The following POLR2I variants were observed in gnomAD, a reference collection of about 807,000 sequenced individuals.
POLR2I encodes the protein DNA-directed RNA polymerase II subunit RPB9.
POLR2I carries 15 observed loss-of-function variants against 23.0 expected under a neutral mutation model. The ratio of observed to expected loss-of-function variants is 0.65; its 90% CI spans 0.44 to 1.00. The LOEUF (loss-of-function observed/expected upper bound fraction) is 1.00, where lower values mean the gene tolerates loss of function less well. Among genes scored for constraint, POLR2I ranks in the 50% least tolerant of loss-of-function variants. The pLI, the probability that POLR2I is intolerant of heterozygous loss-of-function variation, is 0.00. For synonymous variants in POLR2I, 72 were observed against 65.4 expected, an observed-to-expected ratio of 1.10 and a Z score of -0.49; for missense variants, 120 against 173.7, an observed-to-expected ratio of 0.69 and a Z score of 1.74.
In POLR2I at chr19:36,114,137, G is replaced by A. The variant is rs756160109; in HGVS notation, c.263+40C>T. 154 of 1,611,976 alleles carry A rather than the reference G, an allele frequency of 9.6e-5. No individual in the cohort carries two copies. Among genetic ancestry groups the A allele is most frequent in the East Asian group, 1.6e-4 (7 of 44,886 alleles). ...TCCTCCCTTCGCCCAGTGAGGAGAC[G>A]AGCCTCACTTTACCTCCCCAGTACC... is the stretch of plus-strand genomic sequence containing the variant. On this transcript the variant is annotated intron_variant, in intron 4 of 5. Coordinates refer to ENST00000221859, the MANE Select transcript of POLR2I (RefSeq NM_006233.5). This position sits in a 1 kb window ranked among gnomAD's most constrained non-coding sequence, Gnocchi z 4.5.
chr19:36,114,280 G>C lies in POLR2I; in HGVS notation c.189-29C>G. 1 of 1,613,214 alleles carries C rather than the reference G, an allele frequency of 6.2e-7. No homozygotes were observed. Among genetic ancestry groups the C allele is most frequent in the Non-Finnish European group, 8.5e-7 (1 of 1,179,656 alleles). On this transcript the variant is annotated intron_variant, in intron 3 of 5. Transcript: ENST00000221859. This position sits in a 1 kb window ranked among gnomAD's most constrained non-coding sequence, Gnocchi z 4.5. ...CAGGGACGCGGGGGTGCAAAATTAC[G>C]CTCAGACCCAGCCTCCAGAGCCAAC...
At position 36,114,443 on chromosome 19, in the gene POLR2I, G is replaced by A. The variant is rs767456172; in HGVS notation, c.115-31C>T. ...AGAGGGCGAGTGTGGGGGAAAGGGG[G>A]TCACGGAAGGATTCCAGACAAGATT... On this transcript the variant is annotated intron_variant, in intron 2 of 5. Transcript: ENST00000221859. This position sits in a 1 kb window ranked among gnomAD's most constrained non-coding sequence, Gnocchi z 4.5. 1.3e-6 allele frequency: 2 copies of A among 1,597,824 alleles called. No individual in the cohort carries two copies. The highest frequency in any genetic ancestry group is 1.7e-6 in the Non-Finnish European group (2 of 1,165,492).
At position 36,114,609 on chromosome 19, in the gene POLR2I, G is replaced by A. The variant is rs150055773; in HGVS notation, c.114+50C>T. ...GATCACAGAGGCAGGGGGCAGGGCG[G>A]GGCCACGCTGGGAACAGGTGGACCT... On this transcript the variant is annotated intron_variant, in intron 2 of 5. Transcript: ENST00000221859. This position sits in a 1 kb window ranked among gnomAD's most constrained non-coding sequence, Gnocchi z 4.5. The A allele has an allele frequency of 2.6e-6, 4 of 1,556,970 alleles. No homozygotes were observed. The East Asian group carries it at 6.8e-5, about 26-fold the overall frequency.
In POLR2I at chr19:36,114,488, A is replaced by G. The variant is rs1973905328; in HGVS notation, c.115-76T>C. 1.4e-6 allele frequency: 2 copies of G among 1,427,282 alleles called. No homozygotes were observed. The highest frequency in any genetic ancestry group is 2.8e-5 in the African/African-American group (2 of 71,250). The allele number at this position is 1,427,282 out of a possible 1,614,324, so 88.4% of individuals were successfully genotyped here. On this transcript the variant is annotated intron_variant, in intron 2 of 5. Coordinates refer to ENST00000221859, the MANE Select transcript of POLR2I (RefSeq NM_006233.5). The surrounding 1 kb of genome is among the most constrained non-coding windows in gnomAD (Gnocchi z 4.5). ...AAGATTGGGAGGAGAGGGCAGGGTG[A>G]TCCCGGAGGATATGACGACAGGACT...
rs1973905606 is a variant in POLR2I, at chr19:36,114,500, A to G, written c.115-88T>C. On this transcript the variant is annotated intron_variant, in intron 2 of 5. Transcript: ENST00000221859. This position sits in a 1 kb window ranked among gnomAD's most constrained non-coding sequence, Gnocchi z 4.5. ...AGAGGGCAGGGTGATCCCGGAGGAT[A>G]TGACGACAGGACTCTCTTTGGGGAT... 20 of 1,383,840 alleles carry G rather than the reference A, an allele frequency of 1.4e-5. No homozygotes were observed. The Admixed American group carries it at 2.4e-4, about 17-fold the overall frequency. 85.7% of individuals were successfully genotyped at this position (1,383,840 alleles called of 1,614,324 possible). A position where few individuals can be genotyped will look rare whatever the true frequency, so the allele number is the denominator to read the frequency against.
At position 36,114,531 on chromosome 19, in the gene POLR2I, G is replaced by GGACATGAGAGTCAGGATCACTTGAGGT; in HGVS notation, c.114+101_115-120dup. On this transcript the variant is annotated intron_variant, in intron 2 of 5. Transcript: ENST00000221859. The surrounding 1 kb of genome is among the most constrained non-coding windows in gnomAD (Gnocchi z 4.5). Reference sequence around the variant, plus strand: ...ACAGGACTCTCTTTGGGGATGGGCAGGACATGAGAGTCAGGATCACTTGAG... The same window carrying GGACATGAGAGTCAGGATCACTTGAGGT: ...ACAGGACTCTCTTTGGGGATGGGCAGGACATGAGAGTCAGGATCACTTGAGGTGACATGAGAGTCAGGATCACTTGAG... 7.8e-7 allele frequency: 1 copy of GGACATGAGAGTCAGGATCACTTGAGGT among 1,287,448 alleles called. No homozygotes were observed. The highest frequency in any genetic ancestry group is 1.1e-6 in the Non-Finnish European group (1 of 893,544). The allele number at this position is 1,287,448 out of a possible 1,614,324, so 79.8% of individuals were successfully genotyped here.
In POLR2I at chr19:36,114,002, T is replaced by G. The variant is rs771472271; in HGVS notation, c.315+13A>C. On this transcript the variant is annotated intron_variant, in intron 5 of 5. Coordinates refer to ENST00000221859, the MANE Select transcript of POLR2I (RefSeq NM_006233.5). The surrounding 1 kb of genome is among the most constrained non-coding windows in gnomAD (Gnocchi z 4.5). ...CAAGCCCCAGATACTTAGAAAGCCC[T>G]CGCGCCACTTACCTCGGCCCGCGCA... 6.2e-7 allele frequency: 1 copy of G among 1,612,916 alleles called. No homozygotes were observed. Among genetic ancestry groups the G allele is most frequent in the South Asian group, 1.1e-5 (1 of 91,046 alleles).
Position 36,113,778 on chromosome 19 carries a change from A to AGT in POLR2I, c.353_354dup (p.Cys119ThrfsTer24). The AGT allele has an allele frequency of 6.2e-7, 1 of 1,613,526 alleles. No individual in the cohort carries two copies. The highest frequency in any genetic ancestry group is 8.5e-7 in the Non-Finnish European group (1 of 1,179,934). On this transcript the variant is annotated frameshift_variant, in exon 6 of 6. Coordinates refer to ENST00000221859, the MANE Select transcript of POLR2I (RefSeq NM_006233.5). LOFTEE classifies it high-confidence loss of function. ...GGTCACTCGGTCCAGCGGTGGCCGC[A>AGT]GTGTGGGGCTGTGCACACGTAGTAA...
Position 36,114,101 on chromosome 19 carries a change from A to G in POLR2I, c.264-35T>C. On this transcript the variant is annotated intron_variant, in intron 4 of 5. Coordinates refer to ENST00000221859, the MANE Select transcript of POLR2I (RefSeq NM_006233.5). The surrounding 1 kb of genome is among the most constrained non-coding windows in gnomAD (Gnocchi z 4.5). ...TAGGGGCTCGGTCACCGGAGGCTTC[A>G]CACCCTTCCCTCCTCCCTTCGCCCA... 4 of 1,613,686 alleles carry G rather than the reference A, an allele frequency of 2.5e-6. No homozygotes were observed. Among genetic ancestry groups the G allele is most frequent in the Non-Finnish European group, 3.4e-6 (4 of 1,179,740 alleles).
chr19:36,113,877 G>A lies in POLR2I; in HGVS notation c.316-60C>T, dbSNP rs1436077855. On this transcript the variant is annotated intron_variant, in intron 5 of 5. Coordinates refer to ENST00000221859, the MANE Select transcript of POLR2I (RefSeq NM_006233.5). Reference sequence around the variant, plus strand: ...GACCCAGCAGCGCCTTACCCCAAAAGAACAGGCAAGAGAACTTCACCAATA... The same window carrying A: ...GACCCAGCAGCGCCTTACCCCAAAAAAACAGGCAAGAGAACTTCACCAATA... The A allele has an allele frequency of 1.9e-6, 3 of 1,598,832 alleles. No individual in the cohort carries two copies. The Admixed American group carries it at 5.0e-5, about 27-fold the overall frequency.
In POLR2I at chr19:36,114,725, G is replaced by A. The variant is rs1321424765; in HGVS notation, c.60-12C>T. 5 of 1,613,136 alleles carry A rather than the reference G, an allele frequency of 3.1e-6. No homozygotes were observed. Among genetic ancestry groups the A allele is most frequent in the Non-Finnish European group, 4.2e-6 (5 of 1,179,254 alleles). ...ACAGCATGTTGTTACTGTGGGGAGG[G>A]GGAGGTGCCAGGGGTTAGTTCTGGA... On this transcript the variant is annotated splice_polypyrimidine_tract_variant and intron_variant, in intron 1 of 5. Coordinates refer to ENST00000221859, the MANE Select transcript of POLR2I (RefSeq NM_006233.5). This position sits in a 1 kb window ranked among gnomAD's most constrained non-coding sequence, Gnocchi z 4.5.
chr19:36,114,042 G>A lies in POLR2I; in HGVS notation c.288C>T (p.Phe96=), dbSNP rs1344367657. 6 of 1,613,870 alleles carry A rather than the reference G, an allele frequency of 3.7e-6. No individual in the cohort carries two copies. Among genetic ancestry groups the A allele is most frequent in the African/African-American group, 1.3e-5 (1 of 74,896 alleles). Residue 96 remains phenylalanine (F), a synonymous_variant, in exon 5 of 6, where the codon TTC becomes TTT. Transcript: ENST00000221859. This position sits in a 1 kb window ranked among gnomAD's most constrained non-coding sequence, Gnocchi z 4.5. Reference sequence around the variant, plus strand: ...CGGCCCGCGCACTGTGTGACTGGAAGAACACAGCCTCCTTGTGGCCGCACC... The same window carrying A: ...CGGCCCGCGCACTGTGTGACTGGAAAAACACAGCCTCCTTGTGGCCGCACC... ...CQKCGHKEAV[F]FQSHSARAED...
intron 5 of POLR2I, 51 bp downstream of exon 5, chr19:36,113,964 A>G: frequency 1.2e-6 from 2 of 1,604,786 alleles, no homozygotes; most frequent in East Asian, 2.2e-5. Context: ...CCCCGCCCCC[A>G]GAAAGGACCA....
Position 36,114,381 on chromosome 19 carries a change from T to C in POLR2I, c.146A>G (p.Asp49Gly), listed in dbSNP as rs1973902691. The change falls in exon 3 of 6, where the codon GAC becomes GGC. Residue 49 changes from aspartate to glycine, a missense_variant. Transcript: ENST00000221859. This position sits in a 1 kb window ranked among gnomAD's most constrained non-coding sequence, Gnocchi z 4.5. Reference sequence around the variant, plus strand: ...CTTGTTGACATAGATGCAGCTGTTGTCGGCCTCCTGCTGGTAATCACAGTT... The same window carrying C: ...CTTGTTGACATAGATGCAGCTGTTGCCGGCCTCCTGCTGGTAATCACAGTT... ...CRNCDYQQEADNSCIYVNKIT... is the reference protein window; with the variant it reads ...CRNCDYQQEAGNSCIYVNKIT... 1.9e-6 allele frequency: 3 copies of C among 1,614,080 alleles called. No individual in the cohort carries two copies. Among genetic ancestry groups the C allele is most frequent in the African/African-American group, 2.7e-5 (2 of 75,056 alleles).
chr19:36,114,035 A>G lies in POLR2I; in HGVS notation c.295T>C (p.Ser99Pro). ...CGHKEAVFFQSHSARAEDAMR... is the reference protein window; with the variant it reads ...CGHKEAVFFQPHSARAEDAMR... ...CTTACCTCGGCCCGCGCACTGTGTG[A>G]CTGGAAGAACACAGCCTCCTTGTGG... Residue 99 changes from serine to proline, a missense_variant, in exon 5 of 6, where the codon TCA becomes CCA. By Grantham distance (74) the Ser-to-Pro change is moderately conservative. Transcript: ENST00000221859. This position sits in a 1 kb window ranked among gnomAD's most constrained non-coding sequence, Gnocchi z 4.5. The G allele has an allele frequency of 1.2e-6, 2 of 1,613,868 alleles. No homozygotes were observed. The highest frequency in any genetic ancestry group is 1.7e-6 in the Non-Finnish European group (2 of 1,179,960).
chr19:36,114,238 T>G lies in POLR2I; in HGVS notation c.202A>C (p.Ile68Leu). 2 of 1,613,926 alleles carry G rather than the reference T, an allele frequency of 1.2e-6. No homozygotes were observed. The highest frequency in any genetic ancestry group is 1.7e-6 in the Non-Finnish European group (2 of 1,179,956). The change falls in exon 4 of 6, where the codon ATT becomes CTT. Residue 68 changes from isoleucine (I) to leucine (L), a missense_variant. Coordinates refer to ENST00000221859, the MANE Select transcript of POLR2I (RefSeq NM_006233.5). The surrounding 1 kb of genome is among the most constrained non-coding windows in gnomAD (Gnocchi z 4.5). Reference protein sequence around the residue: ...ITHEVDELTQIIADVSQDPTL... With the variant: ...ITHEVDELTQLIADVSQDPTL... ...GGGTCCTGGGACACGTCGGCGATAA[T>G]CTGGGTCAGTTCGCTGCAGGGACGC...
rs551330146 is a variant in POLR2I, at chr19:36,114,601, G to A, written c.114+58C>T. On this transcript the variant is annotated intron_variant, in intron 2 of 5. Transcript: ENST00000221859. This position sits in a 1 kb window ranked among gnomAD's most constrained non-coding sequence, Gnocchi z 4.5. ...GGGAGTCCGATCACAGAGGCAGGGG[G>A]CAGGGCGGGGCCACGCTGGGAACAG... 4,549 of 1,506,788 alleles carry A rather than the reference G, an allele frequency of 3.0e-3. 9 individuals are homozygous for A. Among genetic ancestry groups the A allele is most frequent in the Non-Finnish European group, 4.0e-3 (4,323 of 1,092,362 alleles). 93.3% of individuals were successfully genotyped at this position (1,506,788 alleles called of 1,614,324 possible).
rs768903225 is a variant in POLR2I at position 36,114,646 on chromosome 19, C to A, written c.114+13G>T. 5.6e-6 allele frequency: 9 copies of A among 1,602,224 alleles called. No individual in the cohort carries two copies. The South Asian group carries it at 8.8e-5, about 16-fold the overall frequency. On this transcript the variant is annotated intron_variant, in intron 2 of 5. Coordinates refer to ENST00000221859, the MANE Select transcript of POLR2I (RefSeq NM_006233.5). The surrounding 1 kb of genome is among the most constrained non-coding windows in gnomAD (Gnocchi z 4.5). ...GAACAGGTGGACCTGCCGGGGAAGACCCCGGCGCTCACCGCGTAGAGCAGA... is the reference window on the plus strand; with the variant it reads ...GAACAGGTGGACCTGCCGGGGAAGAACCCGGCGCTCACCGCGTAGAGCAGA...
At position 36,114,511 on chromosome 19, in the gene POLR2I, A is replaced by C; in HGVS notation, c.115-99T>G. On this transcript the variant is annotated intron_variant, in intron 2 of 5. Coordinates refer to ENST00000221859, the MANE Select transcript of POLR2I (RefSeq NM_006233.5). The surrounding 1 kb of genome is among the most constrained non-coding windows in gnomAD (Gnocchi z 4.5). ...TGATCCCGGAGGATATGACGACAGG[A>C]CTCTCTTTGGGGATGGGCAGGACAT... is the stretch of plus-strand genomic sequence containing the variant. The C allele has an allele frequency of 7.4e-7, 1 of 1,352,986 alleles. No individual in the cohort carries two copies. The highest frequency in any genetic ancestry group is 1.1e-6 in the Non-Finnish European group (1 of 950,406). The allele number at this position is 1,352,986 out of a possible 1,614,324, so 83.8% of individuals were successfully genotyped here. A position where few individuals can be genotyped will look rare whatever the true frequency, so the allele number is the denominator to read the frequency against.
Sources: gnomAD v4.1 joint callset for allele counts on GRCh38, gnomAD v4.1.1 for gene constraint, Gnocchi (gnomAD v3.1) non-coding constraint, MANE v1.5 for transcripts, NCBI Gene and HGNC (gene_info 2026-07-23, HGNC 2026-07-21) for gene names.